NXPE2: variants seen among roughly 807,000 people sequenced by gnomAD.
The protein encoded by NXPE2 is neurexophilin and PC-esterase domain family member 2.
Under a neutral mutation model 34.4 loss-of-function variants are expected in NXPE2, and 34 were observed. The observed-to-expected ratio is 0.99, with a 90% CI of 0.75 to 1.31. The LOEUF (loss-of-function observed/expected upper bound fraction) is 1.31. Among genes scored for constraint, NXPE2 ranks in the 40% most tolerant of loss-of-function variants. The probability of loss-of-function intolerance (pLI) is 0.00; values close to 1 mark genes in which losing one functional copy is unlikely to be tolerated. For missense variants in NXPE2, 649 were observed against 672.5 expected, an observed-to-expected ratio of 0.97 and a Z score of 0.39; for synonymous variants, 235 against 231.3, an observed-to-expected ratio of 1.02 and a Z score of -0.15.
chr11:114,501,241 T>G, the NXPE2 span, among the ~76,000 whole-genome samples: 1 of 152,168 alleles, frequency 6.6e-6, no homozygotes, highest in Admixed American at 6.5e-5. Context: ...CTGTAGAAAC[T>G]GGATAGTTTC....
At chr11:114,536,270 C>G in the NXPE2 span, among the ~76,000 whole-genome samples, 1 of 152,138 alleles carries the variant, frequency 6.6e-6, no homozygotes, top group African/African-American at 2.4e-5. Flanking sequence ...ATCTCTGGGA[C>G]ATATTCAAAG....
chr11:114,509,127 A>G, the NXPE2 span, among the ~76,000 whole-genome samples: 1 of 152,236 alleles, frequency 6.6e-6, no homozygotes, highest in Non-Finnish European at 1.5e-5. Flanking sequence ...GAAGACACAC[A>G]TGTGGCCAAC....
At chr11:114,625,826 T>C in the NXPE2 span, among the ~76,000 whole-genome samples, 4 of 152,148 alleles carry the variant, frequency 2.6e-5, no homozygotes, top group African/African-American at 9.6e-5. Flanking sequence ...GCACACCACG[T>C]GCAAGCTGAA....
downstream of NXPE2, chr11:114,707,441 C>T (rs1036905687): frequency 2.3e-6 from 1 of 426,696 alleles, no homozygotes; most frequent in Admixed American, 2.6e-5. Flanking sequence ...GTCACCAAGA[C>T]TGGAGTGCAG....
At chr11:114,534,123 TA>T in the NXPE2 span, among the ~76,000 whole-genome samples, 1 of 152,206 alleles carries the variant, frequency 6.6e-6, no homozygotes, top group East Asian at 1.9e-4. Context: ...CATTTGCGGT[TA>T]ACCAATATCC....
chr11:114,706,775 A>T lies in NXPE2; in HGVS notation c.1525A>T (p.Ile509Phe). 6.4e-7 allele frequency: 1 copy of T among 1,552,418 alleles called. No individual in the cohort carries two copies. The highest frequency in any genetic ancestry group is 8.7e-7 in the Non-Finnish European group (1 of 1,147,084). ...AEMFSDFHGY[I>F]QNLIIRDIFV... Reference sequence around the variant, plus strand: ...GATGTTCAGTGACTTTCATGGCTATATTCAGAATCTTATCATAAGAGATAT... The same window carrying T: ...GATGTTCAGTGACTTTCATGGCTATTTTCAGAATCTTATCATAAGAGATAT... The change falls in exon 6 of 6, where the codon ATT becomes TTT. Residue 509 changes from isoleucine to phenylalanine, a missense_variant. Ile to Phe is a conservative substitution (Grantham distance 21, BLOSUM62 0). Transcript: ENST00000389586.
chr11:114,600,686 G>T, the NXPE2 span, among the ~76,000 whole-genome samples: 3 of 151,928 alleles, frequency 2.0e-5, no homozygotes, highest in Non-Finnish European at 4.4e-5. Flanking sequence ...AATAGAAGAA[G>T]GACATTAACG....
At chr11:114,585,115 G>A in the NXPE2 span, among the ~76,000 whole-genome samples, 1 of 151,822 alleles carries the variant, frequency 6.6e-6, no homozygotes, top group Non-Finnish European at 1.5e-5. Context: ...TTTTAGATTG[G>A]TTCCATTCTC....
At chr11:114,510,141 T>A in the NXPE2 span, among the ~76,000 whole-genome samples, 1 of 152,226 alleles carries the variant, frequency 6.6e-6, no homozygotes, top group African/African-American at 2.4e-5. Context: ...TCTAAAATTC[T>A]AAACCCATCC....
chr11:114,643,847 T>C, the NXPE2 span, among the ~76,000 whole-genome samples: 5 of 152,250 alleles, frequency 3.3e-5, no homozygotes, highest in African/African-American at 9.6e-5. Context: ...TATAAATTAC[T>C]TTAGGCAGAA....
At chr11:114,610,972 C>T in the NXPE2 span, among the ~76,000 whole-genome samples, 2 of 151,666 alleles carry the variant, frequency 1.3e-5, no homozygotes, top group East Asian at 1.9e-4. Flanking sequence ...AGTGTTGCCT[C>T]GTGGGTAACC....
At chr11:114,582,903 A>G in the NXPE2 span, 7 of 1,613,956 alleles carry the variant, frequency 4.3e-6, no homozygotes, top group African/African-American at 6.7e-5. Flanking sequence ...GATTTCCTTT[A>G]TTCTGAGTTC....
chr11:114,551,543 T>C, the NXPE2 span: 1 of 337,766 alleles, frequency 3.0e-6, no homozygotes, highest in Non-Finnish European at 4.4e-6. Context: ...AAAACTTAAT[T>C]CATCAGCATG....
downstream of NXPE2, among the ~76,000 whole-genome samples, chr11:114,710,104 T>C (rs890059974): frequency 6.6e-6 from 1 of 151,742 alleles, no homozygotes; most frequent in African/African-American, 2.4e-5. Flanking sequence ...AAAGTGGCAA[T>C]AACAGGGAAG....
intron 2 of NXPE2, among the ~76,000 whole-genome samples, chr11:114,680,465 A>G (rs544742493): frequency 3.9e-5 from 6 of 152,096 alleles, no homozygotes; most frequent in Non-Finnish European, 7.4e-5. Context: ...ACTGGTTAAA[A>G]AAAGCCTTCA....
At chr11:114,766,382 T>A in the NXPE2 span, among the ~76,000 whole-genome samples, 1 of 152,152 alleles carries the variant, frequency 6.6e-6, no homozygotes, top group African/African-American at 2.4e-5. Context: ...TTGAATATAA[T>A]TTGGCTTCAT....
chr11:114,678,704 G>A (rs1565378849), intron 1 of NXPE2, 103 bp downstream of exon 1: 2 of 815,380 alleles, frequency 2.5e-6, no homozygotes, highest in Non-Finnish European at 4.0e-6. Context: ...CAACCCTTTA[G>A]AGGATAGTAA....
the NXPE2 span, among the ~76,000 whole-genome samples, chr11:114,471,030 G>A: frequency 6.6e-6 from 1 of 152,072 alleles, no homozygotes; most frequent in Non-Finnish European, 1.5e-5. Flanking sequence ...TTATATTCTG[G>A]ATTCTAGTCC....
the NXPE2 span, among the ~76,000 whole-genome samples, chr11:114,773,289 C>A: frequency 4.5e-5 from 2 of 44,272 alleles, no homozygotes; most frequent in African/African-American, 1.2e-4. Context: ...ACCCCCCCCC[C>A]ACCCCATTCT....
Sources: gnomAD v4.1 joint callset for allele counts (sites outside exome capture counted in the v4.1 genomes callset) on GRCh38, gnomAD v4.1.1 for gene constraint, MANE v1.5 for transcripts, NCBI Gene and HGNC (gene_info 2026-07-23, HGNC 2026-07-21) for gene names.